The following GPRIN1 variants were observed in gnomAD, a reference collection of about 807,000 sequenced individuals.
The protein encoded by GPRIN1 is G protein regulated inducer of neurite outgrowth 1.
In GPRIN1, 4 loss-of-function variants were observed where a neutral mutation model predicts 2.8. The observed-to-expected ratio is 1.45, with a 90% CI of 0.71 to 3.32. The LOEUF (loss-of-function observed/expected upper bound fraction) is 3.32. GPRIN1 is among the 30% of genes most tolerant of loss of function. The probability of loss-of-function intolerance (pLI) is 0.01; values close to 1 mark genes in which losing one functional copy is unlikely to be tolerated. For missense variants in GPRIN1, 1,322 were observed against 1,343.4 expected, an observed-to-expected ratio of 0.98 and a Z score of 0.25; for synonymous variants, 589 against 589.9, an observed-to-expected ratio of 1.00 and a Z score of 0.02.
chr5:176,609,536 C>T (rs1759276671), intron 1 of GPRIN1, among the ~76,000 whole-genome samples: 2 of 152,206 alleles, frequency 1.3e-5, no homozygotes, highest in African/African-American at 4.8e-5. Flanking sequence ...GGTTGTGTGA[C>T]GGCGAGTGTG....
At position 176,597,319 on chromosome 5, in the gene GPRIN1, G is replaced by C; in HGVS notation, c.2516C>G (p.Ala839Gly). Residue 839 changes from alanine to glycine, a missense_variant, in exon 2 of 2, where the codon GCC (alanine) becomes GGC (glycine). Coordinates refer to ENST00000303991, the MANE Select transcript of GPRIN1 (RefSeq NM_052899.3). The surrounding 1 kb of genome is among the most constrained non-coding windows in gnomAD (Gnocchi z 6.1). ...GCGCGGCGCCGCCTGGAAGCTGAAG[G>C]CCGAGCCCCCAGCGCCGTCCTGCGG... ...MSPQDGAGGS[A>G]FSFQAAPRAP... 1 of 1,236,150 alleles carries C rather than the reference G, an allele frequency of 8.1e-7. No homozygotes were observed. The highest frequency in any genetic ancestry group is 1.0e-6 in the Non-Finnish European group (1 of 991,562). The allele number at this position is 1,236,150 out of a possible 1,614,324, so 76.6% of individuals were successfully genotyped here. A position where few individuals can be genotyped will look rare whatever the true frequency, so the allele number is the denominator to read the frequency against.
Position 176,597,648 on chromosome 5 carries a change from G to T in GPRIN1, c.2187C>A (p.Arg729=). The T allele has an allele frequency of 6.3e-7, 1 of 1,599,988 alleles. No homozygotes were observed. ...GAGACCGGGCTGAGCCGAGGGCTTT[G>T]CGGTCTAACTGCCTGGAGGAGGAGG... ...KPSSSSRQLD[R]KALGSARSPE... Residue 729 remains arginine, a synonymous_variant, in exon 2 of 2, where the codon CGC becomes CGA. Transcript: ENST00000303991. This position sits in a 1 kb window ranked among gnomAD's most constrained non-coding sequence, Gnocchi z 6.1.
At chr5:176,609,148 A>AGT (rs912343963) in intron 1 of GPRIN1, among the ~76,000 whole-genome samples, 2 of 152,054 alleles carry the variant, frequency 1.3e-5, no homozygotes, top group Non-Finnish European at 2.9e-5. Context: ...TAAGAGACAG[A>AGT]GTGTGTGTGT....
At chr5:176,604,699 T>A (rs1370737330) in intron 1 of GPRIN1, among the ~76,000 whole-genome samples, 1 of 152,148 alleles carries the variant, frequency 6.6e-6, no homozygotes, top group Non-Finnish European at 1.5e-5. Context: ...CCTAAATTTT[T>A]TTTTAGCTAA....
chr5:176,601,347 C>G (rs1317614217), intron 1 of GPRIN1, among the ~76,000 whole-genome samples: 2 of 152,266 alleles, frequency 1.3e-5, no homozygotes, highest in South Asian at 2.1e-4. Flanking sequence ...TTCACCTAGC[C>G]CCTTCTCTGC....
At position 176,597,848 on chromosome 5, in the gene GPRIN1, T is replaced by C; in HGVS notation, c.1987A>G (p.Thr663Ala). ...TCCACCTTCTCTGAGGCCTGTGGTG[T>C]CTCCTTTTTCAAACACACAGCCCCT... ...EAGAVCLKKE[T>A]PQASEKVDPG... The change falls in exon 2 of 2, where the codon ACA (threonine) becomes GCA (alanine). Residue 663 changes from threonine to alanine, a missense_variant. By Grantham distance (58) the Thr-to-Ala change is moderately conservative (BLOSUM62 0). Coordinates refer to ENST00000303991, the MANE Select transcript of GPRIN1 (RefSeq NM_052899.3). This position sits in a 1 kb window ranked among gnomAD's most constrained non-coding sequence, Gnocchi z 6.1. 1 of 1,613,006 alleles carries C rather than the reference T, an allele frequency of 6.2e-7. No homozygotes were observed.
At chr5:176,601,579 T>G (rs946589692) in intron 1 of GPRIN1, among the ~76,000 whole-genome samples, 3 of 152,090 alleles carry the variant, frequency 2.0e-5, no homozygotes, top group Non-Finnish European at 2.9e-5. Flanking sequence ...GATCCGTTTT[T>G]GGACAAGCTG....
In GPRIN1 at chr5:176,597,730, G is replaced by A. The variant is rs1290450365; in HGVS notation, c.2105C>T (p.Thr702Met). Residue 702 changes from threonine (T) to methionine (M), a missense_variant, in exon 2 of 2, where the codon ACG (threonine) becomes ATG (methionine). This residue lies in a region of GPRIN1 where 1,117 missense variants were observed against 1,128.6 expected (regional missense o/e 0.99). Coordinates refer to ENST00000303991, the MANE Select transcript of GPRIN1 (RefSeq NM_052899.3). The surrounding 1 kb of genome is among the most constrained non-coding windows in gnomAD (Gnocchi z 6.1). ...CACCTTCCCCAAGGATGGGGACTCC[G>A]TTTTTCTGGAAGGTGCAGAGTCGGC... is the stretch of plus-strand genomic sequence containing the variant. The part of the protein sequence containing the change: ...GKADSAPSRK[T>M]ESPSLGKVVP... 5 of 1,599,356 alleles carry A rather than the reference G, an allele frequency of 3.1e-6. No individual in the cohort carries two copies. In the Admixed American group the frequency reaches 5.2e-5, roughly 17 times the overall value.
chr5:176,610,069 C>G lies in GPRIN1; in HGVS notation c.-114G>C, dbSNP rs1234436242. Reference sequence around the variant, plus strand: ...TCCCGCCGCCGCCGCCGCCGCCGCCCGAGCGGCCTCGGCTGCCTCCGGCCG... The same window carrying G: ...TCCCGCCGCCGCCGCCGCCGCCGCCGGAGCGGCCTCGGCTGCCTCCGGCCG... On this transcript the variant is annotated 5_prime_UTR_variant, in exon 1 of 2. Transcript: ENST00000303991. 1 of 146,394 alleles carries G rather than the reference C, an allele frequency of 6.8e-6. No homozygotes were observed. The highest frequency in any genetic ancestry group is 2.5e-5 in the African/African-American group (1 of 40,090). 9.1% of individuals were successfully genotyped at this position (146,394 alleles called of 1,614,324 possible).
chr5:176,599,033 C>T lies in GPRIN1; in HGVS notation c.802G>A (p.Val268Met). Residue 268 changes from valine to methionine, a missense_variant, in exon 2 of 2, where the codon GTG (valine) becomes ATG (methionine). Val to Met is a conservative substitution (Grantham distance 21). This residue lies in a region of GPRIN1 where 1,117 missense variants were observed against 1,128.6 expected (regional missense o/e 0.99). Transcript: ENST00000303991. ...GTAGGAGCGACCTTTTCTGAGGACA[C>T]AGGATGCTCTTTTCCTGAATACCTG... ...EPRYSGKEHP[V>M]SSEKVAPTSA... 1 of 1,614,114 alleles carries T rather than the reference C, an allele frequency of 6.2e-7. No individual in the cohort carries two copies. The highest frequency in any genetic ancestry group is 1.1e-5 in the South Asian group (1 of 91,064).
Position 176,597,642 on chromosome 5 carries a change from G to T in GPRIN1, c.2193C>A (p.Ala731=), listed in dbSNP as rs774887128. ...CCTCGGGAGACCGGGCTGAGCCGAG[G>T]GCTTTGCGGTCTAACTGCCTGGAGG... is the stretch of plus-strand genomic sequence containing the variant. ...SSSSRQLDRK[A]LGSARSPEGA... is the part of the protein sequence containing the mutation. Residue 731 remains alanine (A), a synonymous_variant, in exon 2 of 2, where the codon GCC becomes GCA. Transcript: ENST00000303991. This position sits in a 1 kb window ranked among gnomAD's most constrained non-coding sequence, Gnocchi z 6.1. 1 of 1,600,452 alleles carries T rather than the reference G, an allele frequency of 6.2e-7. No individual in the cohort carries two copies. The highest frequency in any genetic ancestry group is 1.3e-5 in the African/African-American group (1 of 74,744).
chr5:176,604,317 G>C (rs1408952447), intron 1 of GPRIN1, among the ~76,000 whole-genome samples: 1 of 152,212 alleles, frequency 6.6e-6, no homozygotes. Context: ...CAGCGGAAGA[G>C]GAGGCAGCAA....
chr5:176,607,814 C>T (rs1581159674), intron 1 of GPRIN1, among the ~76,000 whole-genome samples: 1 of 148,672 alleles, frequency 6.7e-6, no homozygotes, highest in South Asian at 2.2e-4. Context: ...CAAGGGCACA[C>T]AACTGAGGGA....
Position 176,597,237 on chromosome 5 carries a change from G to C in GPRIN1, c.2598C>G (p.Ala866=), listed in dbSNP as rs940323498. The change falls in exon 2 of 2, where the codon GCC becomes GCG. Residue 866 remains alanine, a synonymous_variant. Coordinates refer to ENST00000303991, the MANE Select transcript of GPRIN1 (RefSeq NM_052899.3). The surrounding 1 kb of genome is among the most constrained non-coding windows in gnomAD (Gnocchi z 6.1). ...DAGLQVSLGA[A]ETRSVATGPM... ...GCCCAGTGGCCACGGAGCGCGTCTC[G>C]GCGGCGCCCAGCGACACCTGCAGGC... is the stretch of plus-strand genomic sequence containing the variant. 1.7e-5 allele frequency: 21 copies of C among 1,256,056 alleles called. No individual in the cohort carries two copies. The African/African-American group carries it at 3.1e-4, about 19-fold the overall frequency. 77.8% of individuals were successfully genotyped at this position (1,256,056 alleles called of 1,614,324 possible).
Position 176,596,760 on chromosome 5 carries a change from A to G in GPRIN1, c.*48T>C. On this transcript the variant is annotated 3_prime_UTR_variant, in exon 2 of 2. Transcript: ENST00000303991. This position sits in a 1 kb window ranked among gnomAD's most constrained non-coding sequence, Gnocchi z 5.2. ...CCCTTCTAGGGGCCTGTGATCAAGAAGGGAGCCTGAGAAGGTCGGAAACTC... is the reference window on the plus strand; with the variant it reads ...CCCTTCTAGGGGCCTGTGATCAAGAGGGGAGCCTGAGAAGGTCGGAAACTC... The G allele has an allele frequency of 7.3e-7, 1 of 1,373,552 alleles. No individual in the cohort carries two copies. Among genetic ancestry groups the G allele is most frequent in the East Asian group, 2.9e-5 (1 of 34,950 alleles). The allele number at this position is 1,373,552 out of a possible 1,614,324, so 85.1% of individuals were successfully genotyped here. A position where few individuals can be genotyped will look rare whatever the true frequency, so the allele number is the denominator to read the frequency against.
chr5:176,603,623 C>T (rs1003779721), intron 1 of GPRIN1, among the ~76,000 whole-genome samples: 15 of 152,104 alleles, frequency 9.9e-5, no homozygotes, highest in African/African-American at 3.1e-4. Context: ...TGCAGAGGAT[C>T]ATGGGGCACT....
chr5:176,605,293 C>T (rs901507896), intron 1 of GPRIN1, among the ~76,000 whole-genome samples: 1 of 151,988 alleles, frequency 6.6e-6, no homozygotes, highest in Admixed American at 6.6e-5. Flanking sequence ...CAGAGTTTCA[C>T]CGTGTTGGCC....
At chr5:176,608,499 G>A (rs181207692) in intron 1 of GPRIN1, among the ~76,000 whole-genome samples, 2 of 152,350 alleles carry the variant, frequency 1.3e-5, no homozygotes, top group African/African-American at 2.4e-5. Context: ...CAGACTGCTT[G>A]TGGATGTATG....
At chr5:176,604,167 C>A (rs1246599002) in intron 1 of GPRIN1, among the ~76,000 whole-genome samples, 1 of 152,160 alleles carries the variant, frequency 6.6e-6, no homozygotes, top group Non-Finnish European at 1.5e-5. Flanking sequence ...GCAAATAAAT[C>A]ATAGTATTTC....
Sources: gnomAD v4.1 joint callset for allele counts (sites outside exome capture counted in the v4.1 genomes callset) on GRCh38, gnomAD v4.1.1 for gene constraint, gnomAD v4.1.1 regional missense constraint, Gnocchi (gnomAD v3.1) non-coding constraint, MANE v1.5 for transcripts, NCBI Gene and HGNC (gene_info 2026-07-23, HGNC 2026-07-21) for gene names.